TUBA1C: variants seen among roughly 807,000 people sequenced by gnomAD.
TUBA1C encodes the protein tubulin alpha 1c, also known as tubulin alpha-1C chain.
In TUBA1C, 16 loss-of-function variants were observed where a neutral mutation model predicts 34.9. The observed-to-expected ratio is 0.46, with a 90% confidence interval of 0.31 to 0.70. The LOEUF (loss-of-function observed/expected upper bound fraction) is 0.70, where lower values mean the gene tolerates loss of function less well. TUBA1C is among the 30% of genes least tolerant of loss of function. The pLI is 0.05. For synonymous variants in TUBA1C, 177 were observed against 215.9 expected (o/e 0.82, Z 1.58); for missense variants, 329 against 587.3 (o/e 0.56, Z 4.55).
intron 3 of TUBA1C, among the ~76,000 whole-genome samples, chr12:49,270,918 G>T (rs1207413151): frequency 6.6e-6 from 1 of 152,148 alleles, no homozygotes; most frequent in East Asian, 1.9e-4. Flanking sequence ...GGCGGAGCTT[G>T]CAGTGAGCCG....
intron 1 of TUBA1C, among the ~76,000 whole-genome samples, chr12:49,253,085 T>C (rs552713963): frequency 7.2e-6 from 1 of 138,574 alleles, no homozygotes; most frequent in African/African-American, 2.7e-5. Context: ...AGACCCTATC[T>C]TAAAAAAAAA....
intron 1 of TUBA1C, among the ~76,000 whole-genome samples, chr12:49,266,142 C>T (rs1359906432): frequency 8.2e-6 from 1 of 122,056 alleles, no homozygotes; most frequent in East Asian, 2.5e-4. Context: ...AAACGCAAAC[C>T]CGGCCCGGCG....
chr12:49,249,976 C>T (rs1318084313), intron 1 of TUBA1C, among the ~76,000 whole-genome samples: 1 of 152,038 alleles, frequency 6.6e-6, no homozygotes. Flanking sequence ...GCAGGTGGAT[C>T]ACTTGAGGTC....
At chr12:49,229,094 C>T (rs1942468155) in intron 1 of TUBA1C, among the ~76,000 whole-genome samples, 1 of 152,092 alleles carries the variant, frequency 6.6e-6, no homozygotes, top group Non-Finnish European at 1.5e-5. Flanking sequence ...ATTGGTCTTC[C>T]CTGGACATGA....
At chr12:49,265,033 G>A (rs919237667), upstream of TUBA1C, 3 of 1,175,714 alleles carry the variant, frequency 2.6e-6, no homozygotes, top group Non-Finnish European at 3.3e-6. Context: ...CTCCCGACAC[G>A]TGGCCGGGGA....
chr12:49,269,353 G>C, intron 1 of TUBA1C, 112 bp from the exon 2 acceptor site: 2 of 1,520,436 alleles, frequency 1.3e-6, no homozygotes, highest in Non-Finnish European at 1.8e-6. Context: ...GTGAGTCACT[G>C]CGCCCAGCCA....
chr12:49,264,861 C>CCTTCCTCCT (rs201668619), upstream of TUBA1C: 314 of 164,988 alleles, frequency 1.9e-3, 4 homozygotes, highest in African/African-American at 4.3e-3. Flanking sequence ...CCCTTCCTCC[C>CCTTCCTCCT]CTTCCTCCTC....
chr12:49,248,634 C>T (rs962804138), intron 1 of TUBA1C, among the ~76,000 whole-genome samples: 12 of 151,398 alleles, frequency 7.9e-5, no homozygotes, highest in Admixed American at 5.3e-4. Context: ...GAGGCCGAGG[C>T]GGGCGGATCA....
intron 1 of TUBA1C, among the ~76,000 whole-genome samples, chr12:49,238,267 A>G (rs997018356): frequency 5.9e-5 from 9 of 152,158 alleles, no homozygotes; most frequent in Non-Finnish European, 1.2e-4. Context: ...ATGTGAAAAT[A>G]TATAAGAAAA....
At chr12:49,234,670 C>T (rs1389286543) in intron 1 of TUBA1C, among the ~76,000 whole-genome samples, 1 of 152,148 alleles carries the variant, frequency 6.6e-6, no homozygotes, top group Non-Finnish European at 1.5e-5. Context: ...TCCGCCGCGG[C>T]CCGGCGAGCG....
chr12:49,248,525 G>C (rs533996956), intron 1 of TUBA1C, among the ~76,000 whole-genome samples: 1 of 150,216 alleles, frequency 6.7e-6, no homozygotes, highest in African/African-American at 2.4e-5. Context: ...CTGAGACCGG[G>C]TTGTTGCCTG....
At chr12:49,245,931 A>C (rs529730113) in intron 1 of TUBA1C, among the ~76,000 whole-genome samples, 1 of 152,018 alleles carries the variant, frequency 6.6e-6, no homozygotes, top group African/African-American at 2.4e-5. Flanking sequence ...CTGAGATGGA[A>C]TCTCACTCTG....
intron 1 of TUBA1C, among the ~76,000 whole-genome samples, chr12:49,235,702 C>T (rs1319827867): frequency 1.4e-5 from 2 of 146,654 alleles, no homozygotes; most frequent in Non-Finnish European, 3.0e-5. Flanking sequence ...AGTTGCACTC[C>T]AGCCTGGGTG....
chr12:49,252,620 T>C (rs1040666794), intron 1 of TUBA1C, among the ~76,000 whole-genome samples: 3 of 152,024 alleles, frequency 2.0e-5, no homozygotes, highest in Admixed American at 2.0e-4. Context: ...CTACTAAAAA[T>C]ACAAAAATTG....
chr12:49,259,265 C>T (rs1017205155), intron 1 of TUBA1C, among the ~76,000 whole-genome samples: 1 of 151,400 alleles, frequency 6.6e-6, no homozygotes. Flanking sequence ...CGGAGTCTCA[C>T]TGTGTCGCCC....
intron 1 of TUBA1C, among the ~76,000 whole-genome samples, chr12:49,252,276 T>C (rs1942738952): frequency 6.6e-6 from 1 of 152,230 alleles, no homozygotes; most frequent in African/African-American, 2.4e-5. Flanking sequence ...GTGTCTTTCC[T>C]AATAAAATAT....
At chr12:49,269,368 T>A in intron 1 of TUBA1C, 97 bp from the exon 2 acceptor site, 1 of 1,564,756 alleles carries the variant, frequency 6.4e-7, no homozygotes, top group Non-Finnish European at 8.6e-7. Flanking sequence ...CAGCCAGTTA[T>A]CTGTCTTGAA....
chr12:49,263,696 C>T, upstream of TUBA1C, among the ~76,000 whole-genome samples: 1 of 152,116 alleles, frequency 6.6e-6, no homozygotes, highest in East Asian at 1.9e-4. Flanking sequence ...TCAAGGAATT[C>T]ATGAGCTAAG....
At chr12:49,247,460 T>C (rs1414044569) in intron 1 of TUBA1C, among the ~76,000 whole-genome samples, 1 of 141,756 alleles carries the variant, frequency 7.1e-6, no homozygotes, top group Non-Finnish European at 1.6e-5. Flanking sequence ...AGGAGGCTGA[T>C]TGCTTCTCAG....
Sources: gnomAD v4.1 joint callset for allele counts (sites outside exome capture counted in the v4.1 genomes callset) on GRCh38, gnomAD v4.1.1 for gene constraint, MANE v1.5 for transcripts, NCBI Gene and HGNC (gene_info 2026-07-23, HGNC 2026-07-21) for gene names.